Variants in MTCL1 observed in about 807,000 individuals in gnomAD.
MTCL1 encodes microtubule cross-linking factor 1.
MTCL1 carries 79 observed loss-of-function variants against 141.4 expected under a neutral mutation model. The observed-to-expected ratio is 0.56, with a 90% CI of 0.47 to 0.67. MTCL1 has a LOEUF of 0.67. MTCL1 is among the 30% of genes least tolerant of loss of function. The pLI, the probability that MTCL1 is intolerant of heterozygous loss-of-function variation, is 0.00. For synonymous variants in MTCL1, 914 were observed against 875.8 expected, an observed-to-expected ratio of 1.04 and a Z score of -0.77; for missense variants, 2,177 against 2,113.9, an observed-to-expected ratio of 1.03 and a Z score of -0.59.
At chr18:8,799,331 G>GA (rs2076037761) in intron 10 of MTCL1, among the ~76,000 whole-genome samples, 2 of 152,216 alleles carry the variant, frequency 1.3e-5, no homozygotes, top group Admixed American at 1.3e-4. Context: ...GGGAATTTGG[G>GA]TTCCCCCTGC....
In MTCL1 at chr18:8,785,136, G is replaced by A. The variant is rs191421497; in HGVS notation, c.1731+293G>A. Among the ~76,000 whole-genome samples the A allele has an allele frequency of 3.3e-3, 497 of 152,116 alleles. 2 individuals carry two copies. Among genetic ancestry groups the A allele is most frequent in the Non-Finnish European group, 5.3e-3 (360 of 67,988 alleles). On this transcript the variant is annotated intron_variant, in intron 6 of 16. Coordinates refer to ENST00000359865, the Ensembl canonical transcript of MTCL1. ...GAGGCCCTCCCAGACACGAGGCTGA[G>A]CCCAGTGGAAGCGATAGGGCTCGAC...
At chr18:8,720,061 G>T (rs879463387) in intron 3 of MTCL1, 5 of 319,512 alleles carry the variant, frequency 1.6e-5, no homozygotes, top group Non-Finnish European at 2.3e-5. Flanking sequence ...TAGCAGTTTG[G>T]GGGGGTTGGA....
At chr18:8,831,625 C>T (rs1233163854) in exon 17 of MTCL1, 1 of 1,550,600 alleles carries the variant, frequency 6.4e-7, no homozygotes, top group Non-Finnish European at 8.7e-7. Context: ...TTGTTCTGCA[C>T]TAGCTCCATC....
rs1259957983 is a variant in MTCL1 at position 8,810,529 on chromosome 18, G to T, written c.2605-2450G>T. On this transcript the variant is annotated intron_variant, in intron 11 of 16. Transcript: ENST00000359865. This position sits in a 1 kb window ranked among gnomAD's most constrained non-coding sequence, Gnocchi z 5.0. Reference sequence around the variant, plus strand: ...GAAGTGATGTGGGGCCCAGGAAGGGGTACGCTGCATGAGGAGATTCTAAAG... The same window carrying T: ...GAAGTGATGTGGGGCCCAGGAAGGGTTACGCTGCATGAGGAGATTCTAAAG... Among the ~76,000 whole-genome samples, 1 of 152,182 alleles carries T rather than the reference G, an allele frequency of 6.6e-6. No individual in the cohort carries two copies. Among genetic ancestry groups the T allele is most frequent in the African/African-American group, 2.4e-5 (1 of 41,442 alleles).
chr18:8,754,091 G>A (rs1332872229), intron 4 of MTCL1, among the ~76,000 whole-genome samples: 1 of 152,052 alleles, frequency 6.6e-6, no homozygotes, highest in Non-Finnish European at 1.5e-5. Context: ...TTTATTTTGA[G>A]ACACGGTCTT....
At chr18:8,709,581 A>G (rs1238029012) in intron 1 of MTCL1, among the ~76,000 whole-genome samples, 4 of 152,178 alleles carry the variant, frequency 2.6e-5, no homozygotes, top group Admixed American at 6.5e-5. Flanking sequence ...TCTCAGGATT[A>G]GGTATAGCAT....
chr18:8,831,600 T>C lies in MTCL1; in HGVS notation c.*19-7T>C. 1.3e-6 allele frequency: 2 copies of C among 1,550,210 alleles called. No individual in the cohort carries two copies. Among genetic ancestry groups the C allele is most frequent in the Non-Finnish European group, 1.7e-6 (2 of 1,146,698 alleles). The stretch of plus-strand genomic sequence containing the variant: ...AGTAACCCTGTCTCCCTTTCTCGGC[T>C]CTGAAGGAACTACCTTGTTCTGCAC... On this transcript the variant is annotated splice_polypyrimidine_tract_variant and splice_region_variant and intron_variant, in intron 16 of 16. Transcript: ENST00000359865.
intron 8 of MTCL1, among the ~76,000 whole-genome samples, chr18:8,794,366 AC>A (rs1344091840): frequency 1.3e-5 from 2 of 152,274 alleles, no homozygotes; most frequent in East Asian, 1.9e-4. Context: ...CCCCCAAGGT[AC>A]CCAGGGGGCA....
chr18:8,795,935 C>T (rs755886019), intron 8 of MTCL1, among the ~76,000 whole-genome samples: 4 of 152,198 alleles, frequency 2.6e-5, no homozygotes, highest in Non-Finnish European at 5.9e-5. Flanking sequence ...TTCCAAGACA[C>T]GGTTTTCCTG....
At position 8,798,220 on chromosome 18, in the gene MTCL1, C is replaced by G. The variant is rs141567899; in HGVS notation, c.2365C>G (p.His789Asp). 7.3e-4 allele frequency: 1,167 copies of G among 1,598,806 alleles called. 1 individual carries two copies. Among genetic ancestry groups the G allele is most frequent in the Non-Finnish European group, 8.0e-4 (936 of 1,173,254 alleles). The change falls in exon 10 of 17, where the codon CAC becomes GAC. Residue 789 changes from histidine to aspartate, a missense_variant. Coordinates refer to ENST00000359865, the Ensembl canonical transcript of MTCL1. The stretch of plus-strand genomic sequence containing the variant: ...CTTTCCAGTGGGGGAGCACTCCCCA[C>G]ACTCCCGGGTGCAGATTGGAGATCA...
rs142608663 is a variant in MTCL1 at position 8,816,977 on chromosome 18, T to G, written c.2860-1986T>G. Among the ~76,000 whole-genome samples the G allele has an allele frequency of 2.0e-5, 3 of 152,288 alleles. No individual in the cohort carries two copies. In the East Asian group the frequency reaches 5.8e-4, roughly 29 times the overall value. ...TCCACCACAACCACTCCAGTTCAATTTTAGGAAACCTAACACTTAGCAGCT... is the reference window on the plus strand; with the variant it reads ...TCCACCACAACCACTCCAGTTCAATGTTAGGAAACCTAACACTTAGCAGCT... On this transcript the variant is annotated intron_variant, in intron 12 of 16. Transcript: ENST00000359865.
chr18:8,714,963 A>AT (rs990783072), upstream of MTCL1, among the ~76,000 whole-genome samples: 12 of 151,870 alleles, frequency 7.9e-5, no homozygotes, highest in East Asian at 3.9e-4. Context: ...CGCCTGGCTA[A>AT]TTTTTTTTAT....
In MTCL1 at chr18:8,777,161, G is replaced by C. The variant is rs56908517; in HGVS notation, c.358-672G>C. 1.0e-3 allele frequency among the ~76,000 whole-genome samples: 154 copies of C among 151,118 alleles called. 1 individual carries two copies. The highest frequency in any genetic ancestry group is 3.7e-3 in the African/African-American group (151 of 40,422). On this transcript the variant is annotated intron_variant, in intron 4 of 16. Coordinates refer to ENST00000359865, the Ensembl canonical transcript of MTCL1. ...TGAGGCAAGAGAATGGCATGAACCC[G>C]GGAGGTGGAACTTGCAGTGAGCTGA...
intron 7 of MTCL1, among the ~76,000 whole-genome samples, chr18:8,790,109 C>T (rs1027067498): frequency 4.6e-5 from 7 of 152,186 alleles, no homozygotes; most frequent in African/African-American, 1.4e-4. Context: ...TAGGTGAGTC[C>T]GACTTCCCCA....
chr18:8,708,368 C>T (rs2096069008), intron 1 of MTCL1, among the ~76,000 whole-genome samples: 1 of 152,108 alleles, frequency 6.6e-6, no homozygotes. Flanking sequence ...TATTTTTTCC[C>T]AATGAATGAA....
At chr18:8,832,096 T>C (rs756003003) in exon 17 of MTCL1, 9 of 365,744 alleles carry the variant, frequency 2.5e-5, no homozygotes, top group Middle Eastern at 1.5e-3. Flanking sequence ...TATAAATAGA[T>C]TTAAAAAATA....
intron 10 of MTCL1, among the ~76,000 whole-genome samples, chr18:8,802,461 T>TGAAATCTTA (rs1331319806): frequency 6.6e-6 from 1 of 152,232 alleles, no homozygotes; most frequent in East Asian, 1.9e-4. Context: ...TTTCACCTGC[T>TGAAATCTTA]GAAATCTTAG....
chr18:8,787,018 C>T (rs978223290), intron 7 of MTCL1: 4 of 155,830 alleles, frequency 2.6e-5, no homozygotes, highest in African/African-American at 9.6e-5. Flanking sequence ...AGTGTTCCGT[C>T]CTTCAAGGTG....
At position 8,822,425 on chromosome 18, in the gene MTCL1, G is replaced by A. The variant is rs1014434981; in HGVS notation, c.3188+927G>A. On this transcript the variant is annotated intron_variant, in intron 14 of 16. Transcript: ENST00000359865. The surrounding 1 kb of genome is among the most constrained non-coding windows in gnomAD (Gnocchi z 4.6). ...TTCTGCATCAGCCTCCCAAGTAGCT[G>A]GGATTACAGGCAAACCCCACCATAC... is the stretch of plus-strand genomic sequence containing the variant. 1.3e-5 allele frequency among the ~76,000 whole-genome samples: 2 copies of A among 152,222 alleles called. No homozygotes were observed. Among genetic ancestry groups the A allele is most frequent in the African/African-American group, 4.8e-5 (2 of 41,462 alleles).
Sources: gnomAD v4.1 joint callset for allele counts (sites outside exome capture counted in the v4.1 genomes callset) on GRCh38, gnomAD v4.1.1 for gene constraint, Gnocchi (gnomAD v3.1) non-coding constraint, MANE v1.5 for transcripts, NCBI Gene and HGNC (gene_info 2026-07-23, HGNC 2026-07-21) for gene names.